HCFC1: variants seen among roughly 807,000 people sequenced by gnomAD.
The protein encoded by HCFC1 is host cell factor 1.
A neutral mutation model predicts 105.5 loss-of-function variants in HCFC1; 7 were observed. That is an observed-to-expected ratio of 0.07 (90% CI 0.04 to 0.12). The LOEUF (loss-of-function observed/expected upper bound fraction) is 0.12. Among genes scored for constraint, HCFC1 ranks in the 10% least tolerant of loss-of-function variants. The pLI, the probability that HCFC1 is intolerant of heterozygous loss-of-function variation, is 1.00. For synonymous variants in HCFC1, 918 were observed against 828.1 expected (o/e 1.11, Z -1.86); for missense variants, 1,065 against 1,823.6 (o/e 0.58, Z 7.58).
chrX:153,952,530 C>T lies in HCFC1; in HGVS notation c.4926G>A (p.Ala1642=), dbSNP rs1557112897. ...ALAIQAVLQA[A]QQAVMGTGEP... ...GGCACTCACCCATGACGGCCTGCTGCGCGGCCTGGAGCACCGCCTGGATGG... is the reference window on the plus strand; with the variant it reads ...GGCACTCACCCATGACGGCCTGCTGTGCGGCCTGGAGCACCGCCTGGATGG... The change falls in exon 19 of 26, where the codon GCG becomes GCA. Residue 1642 remains alanine (A), a synonymous_variant. Transcript: ENST00000310441. 1.6e-5 allele frequency: 19 copies of T among 1,167,803 alleles called. No individual in the cohort carries two copies. The highest frequency in any genetic ancestry group is 3.0e-5 in the East Asian group (1 of 33,374).
At position 153,949,365 on chromosome X, in the gene HCFC1, A is replaced by AGATTTC; in HGVS notation, c.6084_6089dup (p.Ser2030_Lys2031dup). 8.3e-7 allele frequency: 1 copy of AGATTTC among 1,207,535 alleles called. No homozygotes were observed. Among genetic ancestry groups the AGATTTC allele is most frequent in the Non-Finnish European group, 1.1e-6 (1 of 892,629 alleles). On this transcript the variant is annotated inframe_insertion, in exon 26 of 26. Transcript: ENST00000310441. ...CTTCCTCTCACTGACCATCGGCCTT[A>AGATTTC]GATTTCTTTGGAGCAGATTTCCTTG...
In HCFC1 at chrX:153,963,507, G is replaced by A. The variant is rs185089376; in HGVS notation, c.504-74C>T. ...GGCTTCGCTGGATGGCTATCAGTGAGTGGCAGCCTCCCCAGAACACAAAGG... is the reference window on the plus strand; with the variant it reads ...GGCTTCGCTGGATGGCTATCAGTGAATGGCAGCCTCCCCAGAACACAAAGG... On this transcript the variant is annotated intron_variant, in intron 3 of 25. Transcript: ENST00000310441. The A allele has an allele frequency of 7.0e-5, 49 of 698,163 alleles. No homozygotes were observed. In the East Asian group the frequency reaches 1.7e-3, roughly 24 times the overall value. 57.5% of individuals were successfully genotyped at this position (698,163 alleles called of 1,213,427 possible).
At position 153,951,970 on chromosome X, in the gene HCFC1, G is replaced by T; in HGVS notation, c.5131C>A (p.His1711Asn). ...GGGGCCAGGGCCTCAGTGGGGAGGT[G>T]GTGATGCTGCTGCTGGGCCTGGGCC... ...QEAQAQQQHHHLPTEALAPAD... is the reference protein window; with the variant it reads ...QEAQAQQQHHNLPTEALAPAD... The change falls in exon 20 of 26, where the codon CAC becomes AAC. Residue 1711 changes from histidine (H) to asparagine (N), a missense_variant. By Grantham distance (68) the His-to-Asn change is moderately conservative. Transcript: ENST00000310441. 8.4e-7 allele frequency: 1 copy of T among 1,193,279 alleles called. No homozygotes were observed. The highest frequency in any genetic ancestry group is 1.7e-5 in the African/African-American group (1 of 57,751).
intron 13 of HCFC1, 21 bp from the exon 14 acceptor site, chrX:153,957,081 C>G (rs1024593748): frequency 5.0e-6 from 6 of 1,196,164 alleles, no homozygotes; most frequent in Admixed American, 2.2e-5. Context: ...GAGTGGGGCC[C>G]AGGGGAGACA....
At position 153,949,313 on chromosome X, in the gene HCFC1, C is replaced by G; in HGVS notation, c.*34G>C. On this transcript the variant is annotated 3_prime_UTR_variant, in exon 26 of 26. Transcript: ENST00000310441. Reference sequence around the variant, plus strand: ...GCGGGTGTTCCTGAAGCAGGGGGGTCTGGAGAAGAATCCAGGGGCTAGTCA... The same window carrying G: ...GCGGGTGTTCCTGAAGCAGGGGGGTGTGGAGAAGAATCCAGGGGCTAGTCA... 1.7e-6 allele frequency: 2 copies of G among 1,176,351 alleles called. No individual in the cohort carries two copies. Among genetic ancestry groups the G allele is most frequent in the Non-Finnish European group, 2.3e-6 (2 of 866,659 alleles).
intron 10 of HCFC1, 48 bp downstream of exon 10, chrX:153,958,521 A>G: frequency 9.3e-7 from 1 of 1,075,348 alleles, no homozygotes; most frequent in Non-Finnish European, 1.3e-6. Flanking sequence ...CCCGGAGGGA[A>G]TGACTATGCT....
chrX:153,956,617 G>A lies in HCFC1; in HGVS notation c.2635+8C>T, dbSNP rs1557115057. The stretch of plus-strand genomic sequence containing the variant: ...GGGTGGCAGGGGACCTGGCCTATGG[G>A]TACACACCTGTGGTGCCTTTCACAA... On this transcript the variant is annotated splice_region_variant and intron_variant, in intron 15 of 25. Transcript: ENST00000310441. 2 of 1,211,458 alleles carry A rather than the reference G, an allele frequency of 1.7e-6. No homozygotes were observed.
chrX:153,955,020 C>T lies in HCFC1; in HGVS notation c.3379G>A (p.Val1127Ile), dbSNP rs1557114263. ...GCATCTCGCTGGTGGTTGGCGCCGA[C>T]GCTCGACATGGCTGTAGTGGCAGTG... is the stretch of plus-strand genomic sequence containing the variant. ...TNTATTAMSS[V>I]GANHQRDARR... Residue 1127 changes from valine (V) to isoleucine (I), a missense_variant, in exon 17 of 26, where the codon GTC becomes ATC. Val to Ile is a conservative substitution (Grantham distance 29). This residue lies in a region of HCFC1 where 546 missense variants were observed against 599.9 expected (regional missense o/e 0.91). Transcript: ENST00000310441. 7.4e-6 allele frequency: 9 copies of T among 1,210,021 alleles called. No individual in the cohort carries two copies. The highest frequency in any genetic ancestry group is 1.0e-5 in the Non-Finnish European group (9 of 894,740).
intron 1 of HCFC1, among the ~76,000 whole-genome samples, chrX:153,965,355 A>G (rs1364231302): frequency 9.0e-6 from 1 of 111,411 alleles, no homozygotes; most frequent in African/African-American, 3.3e-5. Flanking sequence ...CTGTGACAGA[A>G]GCTTCTCAAA....
chrX:153,970,621 C>G (rs375671424), intron 1 of HCFC1, 27 bp downstream of exon 1: 48 of 1,142,772 alleles, frequency 4.2e-5, no homozygotes, highest in Non-Finnish European at 5.5e-5. Flanking sequence ...GGGAAAGAGC[C>G]GAAGACCCAG....
At position 153,955,168 on chromosome X, in the gene HCFC1, G is replaced by A. The variant is rs1206319692; in HGVS notation, c.3231C>T (p.Asn1077=). Residue 1077 remains asparagine, a synonymous_variant, in exon 17 of 26, where the codon AAC becomes AAT. Transcript: ENST00000310441. ...CCGTCTCGTGGGTCTCGCAGGGCGG[G>A]TTCGAACAGACTCGGACCACGCTAC... is the stretch of plus-strand genomic sequence containing the variant. The part of the protein sequence containing the change: ...QNGSVVRVCS[N]PPCETHETGT... 1.7e-6 allele frequency: 2 copies of A among 1,210,242 alleles called. No individual in the cohort carries two copies. The highest frequency in any genetic ancestry group is 3.5e-5 in the African/African-American group (2 of 57,259).
At position 153,954,690 on chromosome X, in the gene HCFC1, C is replaced by A. The variant is rs1289447401; in HGVS notation, c.3709G>T (p.Val1237Phe). The A allele has an allele frequency of 1.7e-6, 2 of 1,203,132 alleles. No homozygotes were observed. The highest frequency in any genetic ancestry group is 2.2e-5 in the Admixed American group (1 of 44,902). The change falls in exon 17 of 26, where the codon GTC (valine) becomes TTC (phenylalanine). Residue 1237 changes from valine to phenylalanine, a missense_variant. Physicochemically the swap from Val to Phe is conservative, Grantham distance 50. Transcript: ENST00000310441. ...GAACGGGTCATGGCAGCGGTGCTGA[C>A]CGCATGGCTGTGGCGCCCCGCAGGA... ...DLPAGRHSHA[V>F]STAAMTRSSV...
chrX:153,951,023 C>A, intron 22 of HCFC1, 25 bp from the exon 23 acceptor site: 1 of 1,183,722 alleles, frequency 8.4e-7, no homozygotes, highest in Non-Finnish European at 1.1e-6. Context: ...GTGGCATGAA[C>A]GCCACTGTGG....
At chrX:153,953,047 G>A (rs1557113130) in intron 18 of HCFC1, 89 bp from the exon 19 acceptor site, 4 of 728,664 alleles carry the variant, frequency 5.5e-6, no homozygotes, top group South Asian at 2.3e-5. Context: ...GGGGACTTCA[G>A]TAGTCAGAGC....
intron 18 of HCFC1, 87 bp downstream of exon 18, chrX:153,953,520 A>C: frequency 1.0e-6 from 1 of 989,657 alleles, no homozygotes; most frequent in Non-Finnish European, 1.4e-6. Context: ...CATGCCTGGT[A>C]CAAGAGCGAC....
In HCFC1 at chrX:153,950,896, G is replaced by A; in HGVS notation, c.5620C>T (p.Arg1874Trp). ...FRVAGINACG[R>W]GPFSEISAFK... ...GCTGAGATTTCGCTGAAGGGCCCCCGGCCACAGGCATTGATTCCGGCAACA... is the reference window on the plus strand; with the variant it reads ...GCTGAGATTTCGCTGAAGGGCCCCCAGCCACAGGCATTGATTCCGGCAACA... Residue 1874 changes from arginine (R) to tryptophan (W), a missense_variant, in exon 23 of 26, where the codon CGG becomes TGG. Coordinates refer to ENST00000310441, the MANE Select transcript of HCFC1 (RefSeq NM_005334.3). The A allele has an allele frequency of 1.7e-6, 2 of 1,210,831 alleles. No homozygotes were observed. The highest frequency in any genetic ancestry group is 2.2e-6 in the Non-Finnish European group (2 of 895,032).
At chrX:153,965,996 C>A (rs2148604374) in intron 1 of HCFC1, among the ~76,000 whole-genome samples, 1 of 111,660 alleles carries the variant, frequency 9.0e-6, no homozygotes, top group Admixed American at 9.5e-5. Flanking sequence ...TAGCCCTTAT[C>A]CAAAGCACAA....
chrX:153,965,412 T>A (rs2065465183), intron 1 of HCFC1, among the ~76,000 whole-genome samples: 1 of 94,794 alleles, frequency 1.1e-5, no homozygotes, highest in African/African-American at 3.9e-5. Flanking sequence ...AAATCAGACC[T>A]TAGGCACTGC....
chrX:153,959,241 C>G, intron 9 of HCFC1, 90 bp downstream of exon 9: 1 of 964,370 alleles, frequency 1.0e-6, no homozygotes, highest in South Asian at 2.4e-5. Flanking sequence ...GGTACCAGAG[C>G]CCGAGAGGGA....
Sources: allele counts gnomAD v4.1 joint callset (sites outside exome capture counted in the v4.1 genomes callset), GRCh38; gene constraint gnomAD v4.1.1; regional missense constraint gnomAD v4.1.1; transcripts MANE v1.5; gene names NCBI Gene and HGNC (gene_info 2026-07-23, HGNC 2026-07-21).